Variants in TMC1 observed in about 807,000 individuals in gnomAD.
TMC1 encodes the protein transmembrane channel-like protein 1.
A neutral mutation model predicts 105.8 loss-of-function variants in TMC1; 84 were observed. The ratio of observed to expected loss-of-function variants is 0.79; its 90% confidence interval spans 0.67 to 0.95. The LOEUF is 0.95. Among genes scored for constraint, TMC1 ranks in the 40% least tolerant of loss-of-function variants. The pLI, the probability that TMC1 is intolerant of heterozygous loss-of-function variation, is 0.00. For missense variants in TMC1, 817 were observed against 914.1 expected, an observed-to-expected ratio of 0.89 and a Z score of 1.37; for synonymous variants, 315 against 311.5, an observed-to-expected ratio of 1.01 and a Z score of -0.12.
intron 19 of TMC1, chr9:72,818,714 T>C (rs1290277610): frequency 1.3e-5 from 2 of 152,206 alleles, no homozygotes; most frequent in African/African-American, 4.8e-5. Flanking sequence ...AGTGTTACAA[T>C]GATTTTTACT....
intron 2 of TMC1, among the ~76,000 whole-genome samples, chr9:72,615,261 T>A (rs1339806070): frequency 4.6e-5 from 7 of 152,232 alleles, no homozygotes; most frequent in Non-Finnish European, 1.0e-4. Flanking sequence ...GCAATTATTG[T>A]CATCTCCATT....
chr9:72,814,305 C>G (rs988663504), intron 18 of TMC1, among the ~76,000 whole-genome samples: 7 of 152,162 alleles, frequency 4.6e-5, no homozygotes, highest in African/African-American at 1.4e-4. Context: ...TGCTGAAGAT[C>G]ATCCAGAGCA....
chr9:72,550,711 T>G (rs1394271503), intron 1 of TMC1, among the ~76,000 whole-genome samples: 1 of 115,768 alleles, frequency 8.6e-6, no homozygotes, highest in Non-Finnish European at 1.9e-5. Context: ...GAAATTGAAA[T>G]AGGGGGTAAA....
intron 5 of TMC1, among the ~76,000 whole-genome samples, chr9:72,663,609 C>T (rs1428102671): frequency 6.6e-6 from 1 of 152,130 alleles, no homozygotes; most frequent in Non-Finnish European, 1.5e-5. Flanking sequence ...AGATCTCTTT[C>T]ACTGTCATAA....
chr9:72,660,368 T>C (rs1339844960), intron 5 of TMC1, among the ~76,000 whole-genome samples: 1 of 152,224 alleles, frequency 6.6e-6, no homozygotes, highest in East Asian at 1.9e-4. Context: ...AGCTGTCCAG[T>C]TCTTAAACAA....
chr9:72,594,613 G>A (rs1288524033), intron 2 of TMC1, among the ~76,000 whole-genome samples: 1 of 152,154 alleles, frequency 6.6e-6, no homozygotes, highest in East Asian at 1.9e-4. Context: ...TAATGGGAAA[G>A]AAATCAGACT....
At chr9:72,612,818 C>T (rs1280843399) in intron 2 of TMC1, among the ~76,000 whole-genome samples, 1 of 152,040 alleles carries the variant, frequency 6.6e-6, no homozygotes, top group Non-Finnish European at 1.5e-5. Context: ...AGGAGTAGTG[C>T]TACTGGCATC....
chr9:72,706,323 C>T (rs542374180), intron 8 of TMC1, among the ~76,000 whole-genome samples: 4 of 152,316 alleles, frequency 2.6e-5, no homozygotes, highest in Middle Eastern at 6.8e-3. Flanking sequence ...TACAAGAGGA[C>T]ATTTAAGCGT....
At chr9:72,764,525 T>G (rs1827801880) in intron 12 of TMC1, among the ~76,000 whole-genome samples, 1 of 152,182 alleles carries the variant, frequency 6.6e-6, no homozygotes, top group South Asian at 2.1e-4. Context: ...TAGGAAAAAT[T>G]AAAGAGTTTT....
chr9:72,595,196 G>A (rs1426317314), intron 2 of TMC1, among the ~76,000 whole-genome samples: 1 of 152,106 alleles, frequency 6.6e-6, no homozygotes, highest in African/African-American at 2.4e-5. Context: ...TGCTGCTACC[G>A]ATAGACTTAC....
At position 72,830,657 on chromosome 9, in the gene TMC1, C is replaced by G. The variant is rs1034321691; in HGVS notation, c.2235C>G (p.Asn745Lys). 2.5e-6 allele frequency: 4 copies of G among 1,612,142 alleles called. No individual in the cohort carries two copies. Among genetic ancestry groups the G allele is most frequent in the Non-Finnish European group, 3.4e-6 (4 of 1,179,246 alleles). The change falls in exon 23 of 24, where the codon AAC (asparagine) becomes AAG (lysine). Residue 745 changes from asparagine to lysine, a missense_variant. Asn to Lys is a moderately conservative substitution (Grantham distance 94, BLOSUM62 0). Transcript: ENST00000297784. ...KMQALENKMR[N>K]KKMAAARAAA... ...AAGCTTTGGAGAACAAAATGCGAAA[C>G]AAGAAAATGGCAGCTGCACGAGCAG...
intron 11 of TMC1, 149 bp from the exon 12 acceptor site, chr9:72,754,637 A>G (rs895902927): frequency 1.6e-5 from 11 of 691,122 alleles, no homozygotes; most frequent in Middle Eastern, 5.2e-4. Flanking sequence ...TTAGTAGTCG[A>G]TTCCCAGAAA....
Position 72,670,697 on chromosome 9 carries a change from C to G in TMC1, c.17-18012C>G, listed in dbSNP as rs185748004. 4.5e-3 allele frequency among the ~76,000 whole-genome samples: 677 copies of G among 152,100 alleles called. 4 individuals are homozygous for G. The highest frequency in any genetic ancestry group is 0.016 in the African/African-American group (649 of 41,486). ...CTAGAGGAAAGATCAAATCACGACA[C>G]AGAAGAAATAAAAAGACAATAAAAT... On this transcript the variant is annotated intron_variant, in intron 5 of 23. Coordinates refer to ENST00000297784, the MANE Select transcript of TMC1 (RefSeq NM_138691.3).
chr9:72,782,787 G>A (rs186560164), intron 13 of TMC1, among the ~76,000 whole-genome samples: 119 of 152,184 alleles, frequency 7.8e-4, no homozygotes, highest in African/African-American at 2.2e-3. Flanking sequence ...AAAGAAATCA[G>A]AAATGACACA....
chr9:72,575,433 G>A (rs1277524800), intron 1 of TMC1, among the ~76,000 whole-genome samples: 7 of 152,082 alleles, frequency 4.6e-5, no homozygotes, highest in African/African-American at 1.4e-4. Context: ...TGCCCGCCTC[G>A]GCCTCCCAAA....
chr9:72,785,427 T>C (rs1309587685), intron 13 of TMC1, among the ~76,000 whole-genome samples: 1 of 152,220 alleles, frequency 6.6e-6, no homozygotes, highest in Non-Finnish European at 1.5e-5. Flanking sequence ...ACTGTAGATC[T>C]TAGCAACCTC....
At chr9:72,763,126 AG>A (rs1827782135) in intron 12 of TMC1, among the ~76,000 whole-genome samples, 1 of 57,714 alleles carries the variant, frequency 1.7e-5, no homozygotes, top group Non-Finnish European at 3.5e-5. Flanking sequence ...AACACATTTT[AG>A]TTTTCATCAC....
intron 8 of TMC1, among the ~76,000 whole-genome samples, chr9:72,734,818 A>G (rs1827272682): frequency 6.6e-6 from 1 of 152,228 alleles, no homozygotes; most frequent in African/African-American, 2.4e-5. Context: ...TTGCTCAATC[A>G]TACTATCAAA....
At chr9:72,677,747 GA>G (rs1435855426) in intron 5 of TMC1, among the ~76,000 whole-genome samples, 1 of 151,600 alleles carries the variant, frequency 6.6e-6, no homozygotes, top group Non-Finnish European at 1.5e-5. Context: ...GATTTTCTCT[GA>G]ATGCAGACTC....
Sources: gnomAD v4.1 joint callset for allele counts (sites outside exome capture counted in the v4.1 genomes callset) on GRCh38, gnomAD v4.1.1 for gene constraint, MANE v1.5 for transcripts, NCBI Gene and HGNC (gene_info 2026-07-23, HGNC 2026-07-21) for gene names.